TBK1: variants seen among roughly 807,000 people sequenced by gnomAD.
TBK1 encodes the protein serine/threonine-protein kinase TBK1.
A neutral mutation model predicts 99.9 loss-of-function variants in TBK1; 37 were observed. The observed-to-expected ratio is 0.37, with a 90% CI of 0.28 to 0.49. TBK1 has a LOEUF of 0.49. Among genes scored for constraint, TBK1 ranks in the 20% least tolerant of loss-of-function variants. TBK1 has a pLI of 0.98. For synonymous variants in TBK1, 258 were observed against 279.8 expected, an observed-to-expected ratio of 0.92 and a Z score of 0.78; for missense variants, 644 against 872.5, an observed-to-expected ratio of 0.74 and a Z score of 3.30.
At chr12:64,479,240 A>G (rs1019118573) in intron 6 of TBK1, among the ~76,000 whole-genome samples, 2 of 152,194 alleles carry the variant, frequency 1.3e-5, no homozygotes, top group African/African-American at 4.8e-5. Context: ...CATTCCCCTA[A>G]GACTTTTGCC....
chr12:64,465,037 A>G (rs2040587680), intron 4 of TBK1, among the ~76,000 whole-genome samples: 1 of 152,000 alleles, frequency 6.6e-6, no homozygotes, highest in Non-Finnish European at 1.5e-5. Context: ...TGAGTCCAGG[A>G]GTTCAAGATC....
chr12:64,473,246 A>C (rs965704951), intron 5 of TBK1, among the ~76,000 whole-genome samples: 3 of 152,190 alleles, frequency 2.0e-5, no homozygotes, highest in Non-Finnish European at 4.4e-5. Flanking sequence ...TCAGGGCCCA[A>C]GGTAGTTTTG....
At chr12:64,491,618 G>C (rs117208174) in intron 13 of TBK1, among the ~76,000 whole-genome samples, 6 of 152,020 alleles carry the variant, frequency 3.9e-5, no homozygotes, top group Non-Finnish European at 8.8e-5. Flanking sequence ...AGCCGAGACT[G>C]TCTCAAATAA....
At position 64,501,486 on chromosome 12, in the gene TBK1, A is replaced by G; in HGVS notation, c.*105A>G. ...TAGTCACTTGTTTCTACAATTCAGT[A>G]TTTGATGTGGTCGTGTAAATATGTA... On this transcript the variant is annotated 3_prime_UTR_variant, in exon 21 of 21. Transcript: ENST00000331710. The G allele has an allele frequency of 8.6e-7, 1 of 1,157,436 alleles. No homozygotes were observed. The highest frequency in any genetic ancestry group is 2.0e-4 in the Middle Eastern group (1 of 5,068). 71.7% of individuals were successfully genotyped at this position (1,157,436 alleles called of 1,614,324 possible). A position where few individuals can be genotyped will look rare whatever the true frequency, so the allele number is the denominator to read the frequency against.
intron 13 of TBK1, among the ~76,000 whole-genome samples, chr12:64,495,168 T>C (rs942432225): frequency 3.3e-5 from 5 of 152,168 alleles, no homozygotes; most frequent in African/African-American, 1.2e-4. Context: ...GGTTATGAAA[T>C]GGAGAATTAA....
intron 2 of TBK1, among the ~76,000 whole-genome samples, chr12:64,457,092 A>G (rs1296098836): frequency 1.3e-5 from 2 of 152,000 alleles, no homozygotes; most frequent in East Asian, 3.9e-4. Context: ...CTAAATCCTT[A>G]TTTTCAGAAA....
Position 64,501,347 on chromosome 12 carries a change from T to G in TBK1, c.2156T>G (p.Met719Arg). 6.2e-7 allele frequency: 1 copy of G among 1,614,098 alleles called. No individual in the cohort carries two copies. Among genetic ancestry groups the G allele is most frequent in the Non-Finnish European group, 8.5e-7 (1 of 1,180,010 alleles). Residue 719 changes from methionine (M) to arginine (R), a missense_variant, in exon 21 of 21, where the codon ATG becomes AGG. Physicochemically the swap from Met to Arg is moderately conservative, Grantham distance 91. Transcript: ENST00000331710. Reference protein sequence around the residue: ...HILERFGSLTMDGGLRNVDCL With the variant: ...HILERFGSLTRDGGLRNVDCL Reference sequence around the variant, plus strand: ...TGTTTTAGGTTTGGCTCTTTAACCATGGATGGTGGCCTTCGCAACGTTGAC... The same window carrying G: ...TGTTTTAGGTTTGGCTCTTTAACCAGGGATGGTGGCCTTCGCAACGTTGAC...
chr12:64,469,346 A>G (rs1477725858), intron 5 of TBK1, among the ~76,000 whole-genome samples: 1 of 152,020 alleles, frequency 6.6e-6, no homozygotes, highest in Non-Finnish European at 1.5e-5. Context: ...ACCAAGCAGA[A>G]TTAGACAAGA....
intron 4 of TBK1, 99 bp downstream of exon 4, chr12:64,464,562 T>C: frequency 1.1e-6 from 1 of 903,546 alleles, no homozygotes; most frequent in Non-Finnish European, 1.5e-6. Flanking sequence ...CTTTATGCAA[T>C]GCTTCATTAG....
chr12:64,455,371 A>G (rs990681990), intron 1 of TBK1, among the ~76,000 whole-genome samples: 1 of 152,200 alleles, frequency 6.6e-6, no homozygotes, highest in African/African-American at 2.4e-5. Context: ...AATGTAAACA[A>G]AATGAAGGTC....
At chr12:64,475,493 G>A (rs2040702931) in intron 6 of TBK1, among the ~76,000 whole-genome samples, 1 of 152,150 alleles carries the variant, frequency 6.6e-6, no homozygotes, top group African/African-American at 2.4e-5. Context: ...CATTAAATAA[G>A]TGGGATAATT....
At position 64,474,261 on chromosome 12, in the gene TBK1, G is replaced by A; in HGVS notation, c.572G>A (p.Arg191Lys). The A allele has an allele frequency of 6.2e-7, 1 of 1,613,732 alleles. No individual in the cohort carries two copies. Among genetic ancestry groups the A allele is most frequent in the Non-Finnish European group, 8.5e-7 (1 of 1,179,932 alleles). The change falls in exon 6 of 21, where the codon AGA becomes AAA. Residue 191 changes from arginine to lysine, a missense_variant. Physicochemically the swap from Arg to Lys is conservative, Grantham distance 26. Around this residue, in one of 3 missense-constraint regions of TBK1, gnomAD observed 31 missense variants for 82.4 expected, o/e 0.38. Coordinates refer to ENST00000331710, the MANE Select transcript of TBK1 (RefSeq NM_013254.4). ...GATATGTATGAGAGAGCAGTGCTAA[G>A]AAAAGATCATCAGAAGAAATATGGA... ...HPDMYERAVL[R>K]KDHQKKYGAT...
rs1437672192 is a variant in TBK1, at chr12:64,466,815, T to C, written c.359-86T>C. 7 of 1,096,956 alleles carry C rather than the reference T, an allele frequency of 6.4e-6. No homozygotes were observed. The East Asian group carries it at 2.0e-4, about 32-fold the overall frequency. 68.0% of individuals were successfully genotyped at this position (1,096,956 alleles called of 1,614,324 possible). A position where few individuals can be genotyped will look rare whatever the true frequency, so the allele number is the denominator to read the frequency against. On this transcript the variant is annotated intron_variant, in intron 4 of 20. Coordinates refer to ENST00000331710, the MANE Select transcript of TBK1 (RefSeq NM_013254.4). ...ATTATGGAAAAATTTATATTAAGTT[T>C]GGGTGACTATATCAATGAATTTGAG...
In TBK1 at chr12:64,455,976, T is replaced by C. The variant is rs1412474454; in HGVS notation, c.87+19T>C. 1 of 1,558,624 alleles carries C rather than the reference T, an allele frequency of 6.4e-7. No individual in the cohort carries two copies. Among genetic ancestry groups the C allele is most frequent in the Non-Finnish European group, 8.8e-7 (1 of 1,140,264 alleles). Reference sequence around the variant, plus strand: ...ACATAAGGTTAGTACAGAGAAAACTTTGAAGACCTTTTATCACTGTATGTA... The same window carrying C: ...ACATAAGGTTAGTACAGAGAAAACTCTGAAGACCTTTTATCACTGTATGTA... On this transcript the variant is annotated intron_variant, in intron 2 of 20. Transcript: ENST00000331710.
chr12:64,461,087 AAAAG>A (rs1346764531), intron 3 of TBK1, among the ~76,000 whole-genome samples: 15 of 152,062 alleles, frequency 9.9e-5, no homozygotes, highest in African/African-American at 1.4e-4. Context: ...CTCAAAAAAA[AAAAG>A]AAAGAAGGAA....
chr12:64,500,753 C>CTTTTTTT (rs1009756107), intron 20 of TBK1, among the ~76,000 whole-genome samples: 1 of 98,966 alleles, frequency 1.0e-5, no homozygotes, highest in Non-Finnish European at 2.0e-5. Context: ...AACTCGGTAT[C>CTTTTTTT]TTTTTTTTTT....
chr12:64,471,505 A>G (rs894763761), intron 5 of TBK1, among the ~76,000 whole-genome samples: 1 of 152,054 alleles, frequency 6.6e-6, no homozygotes, highest in African/African-American at 2.4e-5. Context: ...GGTGTGTGCC[A>G]CTACACCCAG....
chr12:64,501,619 C>T lies in TBK1; in HGVS notation c.*238C>T, dbSNP rs559269116. 9.4e-5 allele frequency: 41 copies of T among 436,110 alleles called. 1 individual carries two copies. The South Asian group carries it at 9.8e-4, about 10-fold the overall frequency. The allele number at this position is 436,110 out of a possible 1,614,324, so 27.0% of individuals were successfully genotyped here. A position where few individuals can be genotyped will look rare whatever the true frequency, so the allele number is the denominator to read the frequency against. On this transcript the variant is annotated 3_prime_UTR_variant, in exon 21 of 21. Transcript: ENST00000331710. Reference sequence around the variant, plus strand: ...TGAGGAAATTTGACCTCAGTGATCACGAGAAGAAAGCCATGACCGACCAAT... The same window carrying T: ...TGAGGAAATTTGACCTCAGTGATCATGAGAAGAAAGCCATGACCGACCAAT...
chr12:64,485,904 T>G (rs767699518), intron 10 of TBK1, 22 bp from the exon 11 acceptor site: 3 of 1,526,232 alleles, frequency 2.0e-6, no homozygotes, highest in Non-Finnish European at 1.8e-6. Flanking sequence ...CACCAAATAT[T>G]GACATTTTAT....
Sources: gnomAD v4.1 joint callset for allele counts (sites outside exome capture counted in the v4.1 genomes callset) on GRCh38, gnomAD v4.1.1 for gene constraint, gnomAD v4.1.1 regional missense constraint, MANE v1.5 for transcripts, NCBI Gene and HGNC (gene_info 2026-07-23, HGNC 2026-07-21) for gene names.